RABGAP1L: variants seen among roughly 807,000 people sequenced by gnomAD.
The protein encoded by RABGAP1L is rab GTPase-activating protein 1-like.
A neutral mutation model predicts 137.7 loss-of-function variants in RABGAP1L; 63 were observed. The observed-to-expected ratio is 0.46, with a 90% confidence interval of 0.37 to 0.56. The LOEUF (loss-of-function observed/expected upper bound fraction) is 0.56. Ranked by LOEUF, RABGAP1L falls within the 20% of genes least tolerant of loss-of-function variation. RABGAP1L has a pLI of 0.00. For synonymous variants in RABGAP1L, 431 were observed against 433.7 expected (o/e 0.99, Z 0.08); for missense variants, 1,095 against 1,244.0 (o/e 0.88, Z 1.80).
At chr1:174,678,171 C>G (rs1179292188) in intron 14 of RABGAP1L, among the ~76,000 whole-genome samples, 1 of 151,968 alleles carries the variant, frequency 6.6e-6, no homozygotes, top group Admixed American at 6.6e-5. Context: ...TTGAAAAACA[C>G]AAATTATTTA....
intron 1 of RABGAP1L, among the ~76,000 whole-genome samples, chr1:174,204,005 G>A (rs1380120189): frequency 6.6e-6 from 1 of 151,002 alleles, no homozygotes; most frequent in Non-Finnish European, 1.5e-5. Flanking sequence ...GCACTAGAGT[G>A]CAGTGGCACA....
intron 13 of RABGAP1L, among the ~76,000 whole-genome samples, chr1:174,618,668 T>C (rs1672142607): frequency 6.6e-6 from 1 of 151,800 alleles, no homozygotes; most frequent in Non-Finnish European, 1.5e-5. Context: ...AGACCAAAGG[T>C]AGATAAAACC....
chr1:174,672,805 G>A (rs752011813), intron 14 of RABGAP1L, among the ~76,000 whole-genome samples: 5 of 152,002 alleles, frequency 3.3e-5, no homozygotes, highest in South Asian at 2.1e-4. Flanking sequence ...TTTATACTAC[G>A]GTTGGAGATT....
At chr1:174,209,366 T>G (rs979939260) in intron 1 of RABGAP1L, among the ~76,000 whole-genome samples, 5 of 152,134 alleles carry the variant, frequency 3.3e-5, no homozygotes, top group African/African-American at 9.7e-5. Context: ...GGGAGCCCTC[T>G]GCCCTGAGGA....
intron 13 of RABGAP1L, among the ~76,000 whole-genome samples, chr1:174,533,701 G>A (rs559898263): frequency 3.3e-5 from 5 of 151,876 alleles, no homozygotes; most frequent in African/African-American, 7.2e-5. Flanking sequence ...ATGGAGTTTC[G>A]CTCTTGTTGC....
chr1:174,308,798 A>G (rs570131691), intron 11 of RABGAP1L, among the ~76,000 whole-genome samples: 4 of 152,214 alleles, frequency 2.6e-5, no homozygotes, highest in South Asian at 2.1e-4. Flanking sequence ...TTTTGAAGTC[A>G]GATAGTGTAA....
intron 13 of RABGAP1L, among the ~76,000 whole-genome samples, chr1:174,613,656 G>T (rs932213579): frequency 6.6e-6 from 1 of 152,142 alleles, no homozygotes; most frequent in Non-Finnish European, 1.5e-5. Context: ...TGACAGTGGG[G>T]TGTTAAAGTC....
chr1:174,803,630 G>A (rs1356417814), intron 18 of RABGAP1L, among the ~76,000 whole-genome samples: 1 of 150,568 alleles, frequency 6.6e-6, no homozygotes, highest in Non-Finnish European at 1.5e-5. Flanking sequence ...TTTTCAAATA[G>A]TCCCCTAAAA....
intron 13 of RABGAP1L, among the ~76,000 whole-genome samples, chr1:174,443,703 A>G (rs1654412272): frequency 6.6e-6 from 1 of 151,804 alleles, no homozygotes; most frequent in South Asian, 2.1e-4. Flanking sequence ...CTGTTTGTCT[A>G]TTTTTGTTTT....
In RABGAP1L at chr1:174,502,717, T is replaced by TACAC. The variant is rs200047503; in HGVS notation, c.1710+108582_1710+108585dup. The stretch of plus-strand genomic sequence containing the variant: ...ATATATACATATATGTGCATATATA[T>TACAC]ACACACACACACATATATATATTTA... On this transcript the variant is annotated intron_variant, in intron 13 of 25. Transcript: ENST00000681986. 2.0e-5 allele frequency among the ~76,000 whole-genome samples: 3 copies of TACAC among 150,520 alleles called. No individual in the cohort carries two copies. The South Asian group carries it at 6.3e-4, about 31-fold the overall frequency.
At chr1:174,859,953 CTT>C (rs746676430) in intron 19 of RABGAP1L, among the ~76,000 whole-genome samples, 4 of 95,140 alleles carry the variant, frequency 4.2e-5, no homozygotes, top group African/African-American at 4.5e-5. Context: ...TAGTCCAATG[CTT>C]TTTTTTTTTT....
intron 13 of RABGAP1L, among the ~76,000 whole-genome samples, chr1:174,624,722 C>T (rs1340790038): frequency 6.6e-6 from 1 of 152,016 alleles, no homozygotes; most frequent in African/African-American, 2.4e-5. Flanking sequence ...GAAGTATTGC[C>T]ATTCCACTTC....
chr1:174,483,415 CACTTAACAT>C (rs1200084415), intron 13 of RABGAP1L, among the ~76,000 whole-genome samples: 2 of 152,208 alleles, frequency 1.3e-5, no homozygotes, highest in African/African-American at 4.8e-5. Context: ...TGGCTTATTT[CACTTAACAT>C]AGTGACTTCA....
intron 20 of RABGAP1L, among the ~76,000 whole-genome samples, chr1:174,963,532 T>G (rs1669351760): frequency 6.6e-6 from 1 of 152,064 alleles, no homozygotes; most frequent in Non-Finnish European, 1.5e-5. Flanking sequence ...CTTTCATTAA[T>G]TTTTAGAAAG....
chr1:174,350,044 G>A (rs1439603325), intron 11 of RABGAP1L, among the ~76,000 whole-genome samples: 1 of 122,796 alleles, frequency 8.1e-6, no homozygotes, highest in Non-Finnish European at 1.8e-5. Flanking sequence ...GCCGGGCAGA[G>A]GCGCCCCTCA....
At chr1:174,314,431 T>C (rs1203045942) in intron 11 of RABGAP1L, among the ~76,000 whole-genome samples, 1 of 152,106 alleles carries the variant, frequency 6.6e-6, no homozygotes, top group Non-Finnish European at 1.5e-5. Flanking sequence ...GGTTTGTCAA[T>C]TTTGTTGAAC....
At chr1:174,537,156 T>C (rs1313211972) in intron 13 of RABGAP1L, among the ~76,000 whole-genome samples, 1 of 152,228 alleles carries the variant, frequency 6.6e-6, no homozygotes. Flanking sequence ...TGGGTTTTGC[T>C]AATTTTTCTG....
intron 13 of RABGAP1L, among the ~76,000 whole-genome samples, chr1:174,524,661 T>C (rs1392436860): frequency 6.6e-6 from 1 of 152,114 alleles, no homozygotes; most frequent in Non-Finnish European, 1.5e-5. Flanking sequence ...AGTCCCCTTG[T>C]TTATTTTTGT....
intron 11 of RABGAP1L, among the ~76,000 whole-genome samples, chr1:174,327,404 T>C (rs1445724683): frequency 6.6e-6 from 1 of 151,584 alleles, no homozygotes; most frequent in African/African-American, 2.4e-5. Context: ...GGAGTTAGTG[T>C]TTTTTTTGAA....
Sources: gnomAD v4.1 joint callset for allele counts (sites outside exome capture counted in the v4.1 genomes callset) on GRCh38, gnomAD v4.1.1 for gene constraint, MANE v1.5 for transcripts, NCBI Gene and HGNC (gene_info 2026-07-23, HGNC 2026-07-21) for gene names.